SUMF1: variants seen among roughly 807,000 people sequenced by gnomAD.
SUMF1 encodes formylglycine-generating enzyme.
A neutral mutation model predicts 47.6 loss-of-function variants in SUMF1; 48 were observed. The observed-to-expected ratio is 1.01, with a 90% CI of 0.80 to 1.28. The LOEUF (loss-of-function observed/expected upper bound fraction) is 1.28. Among genes scored for constraint, SUMF1 ranks in the 50% most tolerant of loss-of-function variants. The pLI is 0.00. For missense variants in SUMF1, 571 were observed against 485.4 expected, an observed-to-expected ratio of 1.18 and a Z score of -1.66; for synonymous variants, 230 against 192.1, an observed-to-expected ratio of 1.20 and a Z score of -1.63.
Position 4,134,542 on chromosome 3 carries a change from C to A in SUMF1, c.1015-65797G>T, listed in dbSNP as rs531914217. Among the ~76,000 whole-genome samples, 155 of 152,206 alleles carry A rather than the reference C, an allele frequency of 1.0e-3. 1 individual carries two copies. Among genetic ancestry groups the A allele is most frequent in the Non-Finnish European group, 1.7e-3 (115 of 68,008 alleles). The stretch of plus-strand genomic sequence containing the variant: ...GAAAGATCTAAAATTGACACCCTAA[C>A]ATCACAATTAAAAGAACTAGAGAAG... On this transcript the variant is annotated intron_variant and NMD_transcript_variant, in intron 8 of 12. Transcript: ENST00000448413.
intron 1 of SUMF1, among the ~76,000 whole-genome samples, chr3:4,462,317 G>T (rs549550928): frequency 2.6e-5 from 4 of 152,274 alleles, no homozygotes; most frequent in African/African-American, 9.6e-5. Context: ...TACCAGGAAA[G>T]AACTTTTTCT....
At chr3:4,224,616 T>C (rs945822075) in intron 8 of SUMF1, among the ~76,000 whole-genome samples, 3 of 152,040 alleles carry the variant, frequency 2.0e-5, no homozygotes, top group Middle Eastern at 3.4e-3. Context: ...CACAATGGTA[T>C]ACACCTGCTG....
intron 8 of SUMF1, among the ~76,000 whole-genome samples, chr3:4,183,968 T>TA (rs1559546030): frequency 6.6e-6 from 1 of 151,374 alleles, no homozygotes; most frequent in African/African-American, 2.4e-5. Context: ...GTCTCTACTT[T>TA]AAAAAAATAT....
chr3:4,042,484 A>G (rs1694926025), intron 9 of SUMF1, among the ~76,000 whole-genome samples: 1 of 152,200 alleles, frequency 6.6e-6, no homozygotes. Context: ...ACAAACTTAC[A>G]CAAAAGAATA....
chr3:4,124,339 T>A (rs1239017729), intron 8 of SUMF1, among the ~76,000 whole-genome samples: 1 of 152,158 alleles, frequency 6.6e-6, no homozygotes, highest in Non-Finnish European at 1.5e-5. Flanking sequence ...TAGGAGAAGA[T>A]AATGAGGTCA....
intron 8 of SUMF1, among the ~76,000 whole-genome samples, chr3:4,176,530 T>G (rs990979680): frequency 1.3e-5 from 2 of 152,136 alleles, no homozygotes; most frequent in African/African-American, 4.8e-5. Context: ...CAATAGCTGC[T>G]GAAGGAAGCA....
At chr3:4,207,261 A>G (rs1215614262) in intron 8 of SUMF1, among the ~76,000 whole-genome samples, 1 of 152,170 alleles carries the variant, frequency 6.6e-6, no homozygotes, top group East Asian at 1.9e-4. Context: ...CATACAAATC[A>G]TATCGTCCAT....
chr3:4,040,308 T>C (rs75945522), intron 9 of SUMF1, among the ~76,000 whole-genome samples: 1 of 152,286 alleles, frequency 6.6e-6, no homozygotes, highest in East Asian at 1.9e-4. Context: ...AGGCTCCTTA[T>C]AACCTACTTT....
chr3:4,462,352 G>A (rs1266942518), intron 1 of SUMF1, among the ~76,000 whole-genome samples: 3 of 152,170 alleles, frequency 2.0e-5, no homozygotes, highest in Non-Finnish European at 4.4e-5. Context: ...ATCAGTAGGA[G>A]AAGGGACATT....
chr3:4,376,632 C>T (rs1467094958), intron 7 of SUMF1, among the ~76,000 whole-genome samples: 2 of 152,210 alleles, frequency 1.3e-5, no homozygotes, highest in South Asian at 2.1e-4. Context: ...TTCGTAACTA[C>T]AGGAAGCAAT....
intron 8 of SUMF1, among the ~76,000 whole-genome samples, chr3:4,342,306 G>A (rs1222673913): frequency 6.6e-6 from 1 of 152,212 alleles, no homozygotes; most frequent in Non-Finnish European, 1.5e-5. Context: ...GCCAAGGCAG[G>A]TGGATCACTT....
chr3:4,338,954 C>T (rs530621061), intron 8 of SUMF1, among the ~76,000 whole-genome samples: 8 of 152,232 alleles, frequency 5.3e-5, no homozygotes, highest in African/African-American at 1.2e-4. Context: ...ACCAGAGCCT[C>T]GCCAGTGCTG....
intron 8 of SUMF1, among the ~76,000 whole-genome samples, chr3:4,102,449 A>C (rs377507292): frequency 6.6e-6 from 1 of 152,114 alleles, no homozygotes; most frequent in Non-Finnish European, 1.5e-5. Context: ...GTAATGATAG[A>C]GTCCAGTCTT....
intron 8 of SUMF1, among the ~76,000 whole-genome samples, chr3:4,242,414 G>C (rs1053932132): frequency 3.3e-5 from 5 of 152,102 alleles, no homozygotes; most frequent in African/African-American, 1.2e-4. Flanking sequence ...CTGTGGGTTT[G>C]TCATAGATAG....
At chr3:4,059,907 G>A (rs1695249939) in intron 9 of SUMF1, among the ~76,000 whole-genome samples, 1 of 152,074 alleles carries the variant, frequency 6.6e-6, no homozygotes, top group African/African-American at 2.4e-5. Context: ...TCCTGGAACA[G>A]GGGACTGTAT....
intron 7 of SUMF1, among the ~76,000 whole-genome samples, chr3:4,401,326 A>G (rs1701204957): frequency 6.6e-6 from 1 of 152,144 alleles, no homozygotes; most frequent in African/African-American, 2.4e-5. Context: ...TTGGGTATAT[A>G]CCCAGTAATG....
At chr3:4,394,174 T>G (rs1276522884) in intron 7 of SUMF1, among the ~76,000 whole-genome samples, 1 of 152,150 alleles carries the variant, frequency 6.6e-6, no homozygotes, top group Non-Finnish European at 1.5e-5. Context: ...TGAAGTGCTT[T>G]TTTTGTGTGT....
At chr3:4,180,292 C>T (rs1695064833) in intron 8 of SUMF1, among the ~76,000 whole-genome samples, 1 of 152,132 alleles carries the variant, frequency 6.6e-6, no homozygotes, top group African/African-American at 2.4e-5. Context: ...TTGGAACCAA[C>T]CCAAATGTCC....
intron 3 of SUMF1, among the ~76,000 whole-genome samples, chr3:4,428,274 A>G (rs184294080): frequency 6.6e-6 from 1 of 152,278 alleles, no homozygotes; most frequent in Admixed American, 6.5e-5. Context: ...TCCCAAGAAA[A>G]TATTAGCAGA....
Sources: gnomAD v4.1 joint callset for allele counts (sites outside exome capture counted in the v4.1 genomes callset) on GRCh38, gnomAD v4.1.1 for gene constraint, MANE v1.5 for transcripts, NCBI Gene and HGNC (gene_info 2026-07-23, HGNC 2026-07-21) for gene names.